BCL2L1: variants seen among roughly 807,000 people sequenced by gnomAD.
The protein encoded by BCL2L1 is BCL2 like 1, also known as bcl-2-like protein 1.
In BCL2L1, 1 loss-of-function variant was observed where a neutral mutation model predicts 18.7. The observed-to-expected ratio is 0.05, with a 90% CI of 0.02 to 0.25. The LOEUF is 0.25. BCL2L1 is among the 10% of genes least tolerant of loss of function. BCL2L1 has a pLI of 1.00. For synonymous variants in BCL2L1, 103 were observed against 122.7 expected (o/e 0.84, Z 1.06); for missense variants, 207 against 304.9 (o/e 0.68, Z 2.39).
intron 2 of BCL2L1, among the ~76,000 whole-genome samples, chr20:31,669,637 A>C (rs2060637385): frequency 6.6e-6 from 1 of 151,500 alleles, no homozygotes. Flanking sequence ...ATGGGGTTTC[A>C]CCATGTTAAC....
At chr20:31,708,675 C>A (rs1259790308) in intron 2 of BCL2L1, among the ~76,000 whole-genome samples, 1 of 152,186 alleles carries the variant, frequency 6.6e-6, no homozygotes, top group African/African-American at 2.4e-5. Flanking sequence ...TTCCTTAGGC[C>A]AGAACCATGG....
At chr20:31,705,316 A>G (rs990659668) in intron 2 of BCL2L1, among the ~76,000 whole-genome samples, 23 of 152,360 alleles carry the variant, frequency 1.5e-4, no homozygotes, top group African/African-American at 5.3e-4. Context: ...TCTTACATAC[A>G]TTCTTACAAA....
At chr20:31,711,995 A>G (rs1473926107) in intron 2 of BCL2L1, among the ~76,000 whole-genome samples, 1 of 152,212 alleles carries the variant, frequency 6.6e-6, no homozygotes, top group Non-Finnish European at 1.5e-5. Context: ...AAATGAAGGT[A>G]ACAACACCTA....
At chr20:31,694,341 G>C (rs2061133009) in intron 2 of BCL2L1, among the ~76,000 whole-genome samples, 2 of 143,634 alleles carry the variant, frequency 1.4e-5, no homozygotes, top group Admixed American at 1.4e-4. Flanking sequence ...TGGGGGTGGG[G>C]AAGGAAGTGG....
At chr20:31,703,513 C>T (rs2061318266) in intron 2 of BCL2L1, among the ~76,000 whole-genome samples, 1 of 142,748 alleles carries the variant, frequency 7.0e-6, no homozygotes, top group Non-Finnish European at 1.5e-5. Flanking sequence ...TTTTTTGAGA[C>T]AAGAGTCTCA....
intron 2 of BCL2L1, among the ~76,000 whole-genome samples, chr20:31,673,489 T>TAAA (rs34438752): frequency 2.9e-5 from 4 of 138,460 alleles, no homozygotes; most frequent in South Asian, 2.3e-4. Context: ...ACAAAAAAAT[T>TAAA]AAAAAAAAAA....
chr20:31,694,385 G>A (rs2061133764), intron 2 of BCL2L1, among the ~76,000 whole-genome samples: 1 of 152,128 alleles, frequency 6.6e-6, no homozygotes, highest in African/African-American at 2.4e-5. Flanking sequence ...GGAGGGTGGT[G>A]GGATTAGCAC....
At chr20:31,671,894 T>C (rs991725132) in intron 2 of BCL2L1, among the ~76,000 whole-genome samples, 1 of 148,050 alleles carries the variant, frequency 6.8e-6, no homozygotes, top group Non-Finnish European at 1.5e-5. Flanking sequence ...TATATAGTAC[T>C]GTATATACTA....
intron 2 of BCL2L1, among the ~76,000 whole-genome samples, chr20:31,692,514 G>A (rs1371705181): frequency 2.6e-5 from 4 of 151,938 alleles, no homozygotes; most frequent in African/African-American, 4.8e-5. Context: ...AGTGGCTCAC[G>A]CCTGTAATCC....
At chr20:31,687,068 A>C (rs2060970138) in intron 2 of BCL2L1, among the ~76,000 whole-genome samples, 1 of 152,178 alleles carries the variant, frequency 6.6e-6, no homozygotes, top group South Asian at 2.1e-4. Context: ...CTGTAATCCC[A>C]GAACTTTGGG....
At position 31,711,482 on chromosome 20, in the gene BCL2L1, G is replaced by A. The variant is rs947661285; in HGVS notation, c.564+10173C>T. ...TCAGATGGCAGAGGGACACCAGCAA[G>A]ACCCAAGGTGTGGAGTATGGAAACA... is the stretch of plus-strand genomic sequence containing the variant. On this transcript the variant is annotated intron_variant, in intron 2 of 2. Transcript: ENST00000307677. Among the ~76,000 whole-genome samples the A allele has an allele frequency of 2.0e-5, 3 of 152,228 alleles. No individual in the cohort carries two copies. The South Asian group carries it at 6.2e-4, about 32-fold the overall frequency.
At chr20:31,708,214 C>A (rs564532826) in intron 2 of BCL2L1, among the ~76,000 whole-genome samples, 18 of 152,304 alleles carry the variant, frequency 1.2e-4, no homozygotes, top group Admixed American at 1.2e-3. Context: ...CACTCACCAA[C>A]CCTCTAGAGA....
At chr20:31,720,300 G>A (rs1438927750) in intron 2 of BCL2L1, among the ~76,000 whole-genome samples, 2 of 152,150 alleles carry the variant, frequency 1.3e-5, no homozygotes, top group East Asian at 1.9e-4. Flanking sequence ...CACACCCTAG[G>A]CCCAGCCTAT....
At chr20:31,692,685 T>C (rs1433474600) in intron 2 of BCL2L1, among the ~76,000 whole-genome samples, 1 of 151,276 alleles carries the variant, frequency 6.6e-6, no homozygotes, top group African/African-American at 2.4e-5. Context: ...CCGAGGCTGG[T>C]GGATCACGAG....
intron 2 of BCL2L1, among the ~76,000 whole-genome samples, chr20:31,699,966 A>T (rs2061248815): frequency 6.6e-6 from 1 of 152,146 alleles, no homozygotes; most frequent in East Asian, 1.9e-4. Context: ...TACCAACTAG[A>T]CCCAACAGTG....
chr20:31,721,317 G>T (rs1266730179), intron 2 of BCL2L1, among the ~76,000 whole-genome samples: 1 of 152,164 alleles, frequency 6.6e-6, no homozygotes, highest in Non-Finnish European at 1.5e-5. Flanking sequence ...ATTGTATAAG[G>T]TAAGGGAAAC....
At chr20:31,707,705 G>A (rs1254603950) in intron 2 of BCL2L1, among the ~76,000 whole-genome samples, 1 of 151,388 alleles carries the variant, frequency 6.6e-6, no homozygotes, top group Non-Finnish European at 1.5e-5. Context: ...TTGAACCTGG[G>A]AGGCGAAGGT....
intron 2 of BCL2L1, among the ~76,000 whole-genome samples, chr20:31,695,253 A>G (rs530466904): frequency 6.6e-6 from 1 of 152,286 alleles, no homozygotes; most frequent in East Asian, 1.9e-4. Context: ...TGTTCTCCAC[A>G]TCAGAGAGAT....
intron 2 of BCL2L1, among the ~76,000 whole-genome samples, chr20:31,709,511 G>A (rs1227816842): frequency 6.6e-6 from 1 of 151,784 alleles, no homozygotes; most frequent in African/African-American, 2.4e-5. Context: ...ACAGGCGCCC[G>A]CCACCACACC....
Sources: gnomAD v4.1 joint callset for allele counts (sites outside exome capture counted in the v4.1 genomes callset) on GRCh38, gnomAD v4.1.1 for gene constraint, MANE v1.5 for transcripts, NCBI Gene and HGNC (gene_info 2026-07-23, HGNC 2026-07-21) for gene names.